KALRN: variants seen among roughly 807,000 people sequenced by gnomAD.
KALRN encodes kalirin.
KALRN carries 70 observed loss-of-function variants against 353.7 expected under a neutral mutation model. The ratio of observed to expected loss-of-function variants is 0.20; its 90% CI spans 0.16 to 0.24. The LOEUF (loss-of-function observed/expected upper bound fraction) is 0.24. Among genes scored for constraint, KALRN ranks in the 10% least tolerant of loss-of-function variants. KALRN has a pLI of 1.00. For synonymous variants in KALRN, 1,391 were observed against 1,434.8 expected (o/e 0.97, Z 0.69); for missense variants, 2,791 against 3,756.7 (o/e 0.74, Z 6.72).
At chr3:124,078,679 A>G (rs1292701153) in intron 1 of KALRN, among the ~76,000 whole-genome samples, 1 of 152,218 alleles carries the variant, frequency 6.6e-6, no homozygotes, top group Non-Finnish European at 1.5e-5. Flanking sequence ...GAGACTAGAA[A>G]GATGAGTAGA....
At chr3:124,674,197 T>C (rs189231342) in intron 48 of KALRN, among the ~76,000 whole-genome samples, 167 bp from the exon 49 acceptor site, 1 of 152,264 alleles carries the variant, frequency 6.6e-6, no homozygotes, top group East Asian at 1.9e-4. Context: ...AAATATACTT[T>C]CAGAGCATGT....
intron 34 of KALRN, among the ~76,000 whole-genome samples, chr3:124,570,733 AAGTT>A (rs1204499464): frequency 6.6e-6 from 1 of 152,236 alleles, no homozygotes; most frequent in African/African-American, 2.4e-5. Context: ...GAATCATAAA[AAGTT>A]AGAGTTGAAA....
chr3:124,411,432 G>GTTTTTTTTTTT (rs1560849512), intron 13 of KALRN, among the ~76,000 whole-genome samples: 9 of 36,262 alleles, frequency 2.5e-4, no homozygotes, highest in Non-Finnish European at 3.8e-4. Context: ...TTTAAATTAT[G>GTTTTTTTTTTT]CTTTTTTTTT....
At chr3:124,372,880 G>C (rs1173581417) in intron 10 of KALRN, among the ~76,000 whole-genome samples, 2 of 152,246 alleles carry the variant, frequency 1.3e-5, no homozygotes, top group Admixed American at 1.3e-4. Flanking sequence ...TTTCAGCCCA[G>C]GCTTTGAGCC....
At chr3:124,385,152 T>G in intron 11 of KALRN, 116 bp downstream of exon 11, 1 of 813,122 alleles carries the variant, frequency 1.2e-6, no homozygotes. Context: ...GTTACTAACT[T>G]CCTAACTTTG....
intron 3 of KALRN, among the ~76,000 whole-genome samples, chr3:124,259,504 A>C (rs2148841832): frequency 6.6e-6 from 1 of 152,336 alleles, no homozygotes; most frequent in Non-Finnish European, 1.5e-5. Flanking sequence ...ATTAGGCTTT[A>C]AGACAACCCT....
chr3:124,050,983 A>C (rs368872372), intron 1 of KALRN, among the ~76,000 whole-genome samples: 3 of 152,366 alleles, frequency 2.0e-5, no homozygotes, highest in Admixed American at 6.5e-5. Context: ...AAAAGAGGAA[A>C]GTACATTATA....
At chr3:124,476,736 G>A (rs2061464769) in intron 26 of KALRN, among the ~76,000 whole-genome samples, 1 of 152,072 alleles carries the variant, frequency 6.6e-6, no homozygotes, top group Non-Finnish European at 1.5e-5. Flanking sequence ...CCCCATGATT[G>A]CTCTGGGAAG....
intron 21 of KALRN, among the ~76,000 whole-genome samples, chr3:124,450,145 C>A (rs998681923): frequency 1.3e-5 from 2 of 152,134 alleles, no homozygotes; most frequent in Non-Finnish European, 2.9e-5. Context: ...AGTAGGTATA[C>A]CATTTTGTAC....
At chr3:124,096,441 A>G (rs1330786120) in intron 1 of KALRN, among the ~76,000 whole-genome samples, 1 of 152,232 alleles carries the variant, frequency 6.6e-6, no homozygotes, top group African/African-American at 2.4e-5. Context: ...GGAACTAAGA[A>G]AAGTCCAATT....
At chr3:124,108,453 T>C (rs553360038) in intron 1 of KALRN, among the ~76,000 whole-genome samples, 3 of 152,356 alleles carry the variant, frequency 2.0e-5, no homozygotes, top group Admixed American at 1.3e-4. Flanking sequence ...TGGTAGTCAT[T>C]AGTACCATTC....
chr3:124,399,886 G>A (rs2090639049), intron 13 of KALRN, among the ~76,000 whole-genome samples: 1 of 152,140 alleles, frequency 6.6e-6, no homozygotes, highest in African/African-American at 2.4e-5. Flanking sequence ...CAGGCCAATA[G>A]GGTTTCTGTG....
chr3:124,566,721 C>T (rs996089410), intron 34 of KALRN, among the ~76,000 whole-genome samples: 2 of 152,146 alleles, frequency 1.3e-5, no homozygotes, highest in Non-Finnish European at 2.9e-5. Context: ...TGGCAAACCG[C>T]CTTTTCTTCT....
chr3:124,078,990 A>G (rs1320284695), intron 1 of KALRN, among the ~76,000 whole-genome samples: 1 of 152,142 alleles, frequency 6.6e-6, no homozygotes, highest in Non-Finnish European at 1.5e-5. Flanking sequence ...ATAATCATAT[A>G]CTTTCATGCT....
chr3:124,267,943 A>G (rs1022959842), intron 4 of KALRN, among the ~76,000 whole-genome samples: 2 of 152,230 alleles, frequency 1.3e-5, no homozygotes, highest in African/African-American at 4.8e-5. Flanking sequence ...AGACCTTAAT[A>G]GCTTGCCCTG....
chr3:124,594,352 A>G (rs1247417777), intron 34 of KALRN, among the ~76,000 whole-genome samples: 1 of 152,140 alleles, frequency 6.6e-6, no homozygotes, highest in Non-Finnish European at 1.5e-5. Flanking sequence ...CAGCCTCCCA[A>G]GTAGCTGGGA....
intron 3 of KALRN, among the ~76,000 whole-genome samples, chr3:124,238,355 C>T (rs140262837): frequency 6.6e-6 from 1 of 152,186 alleles, no homozygotes; most frequent in South Asian, 2.1e-4. Context: ...AAAGAACCTG[C>T]CCACATGGAA....
intron 34 of KALRN, among the ~76,000 whole-genome samples, chr3:124,606,375 C>T (rs2077347294): frequency 6.6e-6 from 1 of 152,206 alleles, no homozygotes; most frequent in Non-Finnish European, 1.5e-5. Context: ...TCTCACATGT[C>T]TGACAAGCTC....
At chr3:124,404,656 CTTTTTT>C (rs34848980) in intron 13 of KALRN, among the ~76,000 whole-genome samples, 1 of 131,452 alleles carries the variant, frequency 7.6e-6, no homozygotes, top group South Asian at 2.4e-4. Context: ...TAGTCTTTTT[CTTTTTT>C]TTTTTTTTGC....
Sources: gnomAD v4.1 joint callset for allele counts (sites outside exome capture counted in the v4.1 genomes callset) on GRCh38, gnomAD v4.1.1 for gene constraint, MANE v1.5 for transcripts, NCBI Gene and HGNC (gene_info 2026-07-23, HGNC 2026-07-21) for gene names.